The following AOPEP variants were observed in gnomAD, a reference collection of about 807,000 sequenced individuals.
The protein encoded by AOPEP is aminopeptidase O (putative).
In AOPEP, 77 loss-of-function variants were observed where a neutral mutation model predicts 98.1. The observed-to-expected ratio is 0.78, with a 90% CI of 0.65 to 0.95. The LOEUF (loss-of-function observed/expected upper bound fraction) is 0.95, where lower values mean the gene tolerates loss of function less well. Ranked by LOEUF, AOPEP falls within the 40% of genes least tolerant of loss-of-function variation. The pLI is 0.00. For synonymous variants in AOPEP, 346 were observed against 365.3 expected (o/e 0.95, Z 0.60); for missense variants, 1,024 against 1,024.7 (o/e 1.00, Z 0.01).
intron 1 of AOPEP, among the ~76,000 whole-genome samples, chr9:94,757,808 A>C (rs749355192): frequency 4.5e-4 from 68 of 152,256 alleles, no homozygotes; most frequent in African/African-American, 1.0e-3. Context: ...AAAGATGCCC[A>C]GTCAACAAAA....
At chr9:94,918,926 T>C (rs1205948591) in intron 5 of AOPEP, among the ~76,000 whole-genome samples, 1 of 151,944 alleles carries the variant, frequency 6.6e-6, no homozygotes, top group East Asian at 1.9e-4. Flanking sequence ...AATTTTGTTG[T>C]TGTTGTTGAG....
chr9:94,800,482 C>G (rs1013306364), intron 4 of AOPEP, among the ~76,000 whole-genome samples: 2 of 152,110 alleles, frequency 1.3e-5, no homozygotes, highest in Non-Finnish European at 2.9e-5. Context: ...TAGAGGTCCC[C>G]CCACAACAAA....
At chr9:94,936,875 C>T (rs1355300496) in intron 7 of AOPEP, among the ~76,000 whole-genome samples, 1 of 152,168 alleles carries the variant, frequency 6.6e-6, no homozygotes, top group African/African-American at 2.4e-5. Context: ...ACATTTACTC[C>T]TTTATTATAA....
chr9:94,873,117 G>GA (rs149738938), intron 5 of AOPEP, among the ~76,000 whole-genome samples: 2 of 151,220 alleles, frequency 1.3e-5, no homozygotes, highest in African/African-American at 2.4e-5. Flanking sequence ...GATATGAGGG[G>GA]AAAAAAAACA....
intron 9 of AOPEP, among the ~76,000 whole-genome samples, chr9:94,961,154 G>C (rs1222957626): frequency 6.6e-6 from 1 of 151,974 alleles, no homozygotes; most frequent in African/African-American, 2.4e-5. Context: ...ATTAAATCCT[G>C]CTGTGGAAAC....
intron 7 of AOPEP, among the ~76,000 whole-genome samples, chr9:94,948,959 C>T (rs574097703): frequency 2.0e-5 from 3 of 152,284 alleles, no homozygotes; most frequent in African/African-American, 4.8e-5. Context: ...CTTTATGTAG[C>T]GTGGGTTTTT....
intron 13 of AOPEP, among the ~76,000 whole-genome samples, chr9:95,038,733 A>G (rs548884840): frequency 4.2e-4 from 64 of 152,294 alleles, no homozygotes; most frequent in Non-Finnish European, 7.2e-4. Context: ...TTACATTAAG[A>G]TTCTTAGAAG....
At chr9:94,762,701 T>C (rs1838635246) in intron 2 of AOPEP, among the ~76,000 whole-genome samples, 3 of 152,180 alleles carry the variant, frequency 2.0e-5, no homozygotes, top group Admixed American at 2.0e-4. Context: ...TTTTTTTCCC[T>C]TTTTCTGGGG....
At chr9:95,040,222 AG>A (rs1301287403) in intron 13 of AOPEP, among the ~76,000 whole-genome samples, 3 of 152,240 alleles carry the variant, frequency 2.0e-5, no homozygotes, top group African/African-American at 7.2e-5. Flanking sequence ...GTCCATTGAC[AG>A]GAACAGTTGC....
intron 5 of AOPEP, among the ~76,000 whole-genome samples, chr9:94,830,162 C>T (rs1391922837): frequency 6.6e-6 from 1 of 152,192 alleles, no homozygotes; most frequent in Non-Finnish European, 1.5e-5. Context: ...GCCCAGCATG[C>T]ATTAACTATT....
chr9:95,091,752 C>A (rs943504064), downstream of AOPEP, among the ~76,000 whole-genome samples: 17 of 152,192 alleles, frequency 1.1e-4, no homozygotes, highest in Non-Finnish European at 2.9e-5. Context: ...ATAGGCATTC[C>A]TGTTCCAGTC....
At chr9:95,002,360 G>A (rs1211277119) in intron 11 of AOPEP, among the ~76,000 whole-genome samples, 2 of 152,100 alleles carry the variant, frequency 1.3e-5, no homozygotes, top group East Asian at 1.9e-4. Flanking sequence ...CAAAAGATAC[G>A]GGATCTCTTT....
chr9:94,794,634 T>C (rs1176764180), intron 4 of AOPEP, among the ~76,000 whole-genome samples: 1 of 152,222 alleles, frequency 6.6e-6, no homozygotes, highest in African/African-American at 2.4e-5. Context: ...TTGGACTGTC[T>C]TTCCTGAGCT....
intron 2 of AOPEP, among the ~76,000 whole-genome samples, chr9:94,767,942 T>A (rs1442699720): frequency 1.3e-5 from 2 of 152,074 alleles, no homozygotes; most frequent in Non-Finnish European, 2.9e-5. Context: ...AGAGAGTGAG[T>A]CATTGCTAAA....
intron 11 of AOPEP, among the ~76,000 whole-genome samples, chr9:94,981,365 C>G (rs2060172294): frequency 6.6e-6 from 1 of 152,176 alleles, no homozygotes; most frequent in South Asian, 2.1e-4. Flanking sequence ...AAGAAACCTG[C>G]TGTCAAAACA....
intron 5 of AOPEP, among the ~76,000 whole-genome samples, chr9:94,809,092 T>C (rs964615446): frequency 6.6e-6 from 1 of 152,232 alleles, no homozygotes; most frequent in Non-Finnish European, 1.5e-5. Context: ...CTGATGATGC[T>C]GTGGCCATGA....
At chr9:95,013,887 C>G (rs550960594) in intron 13 of AOPEP, among the ~76,000 whole-genome samples, 1 of 151,850 alleles carries the variant, frequency 6.6e-6, no homozygotes, top group Non-Finnish European at 1.5e-5. Flanking sequence ...TCCTGGACAC[C>G]CAGATTTTTT....
the AOPEP span, among the ~76,000 whole-genome samples, chr9:95,120,164 A>G: frequency 6.6e-6 from 1 of 152,246 alleles, no homozygotes. Flanking sequence ...GTTGAAGCCC[A>G]TGATCCTCTC....
the AOPEP span, chr9:95,149,957 C>G: frequency 2.5e-6 from 4 of 1,611,228 alleles, no homozygotes; most frequent in East Asian, 6.7e-5. Context: ...TCAAAGAACT[C>G]TGGCTGGAGG....
Sources: allele counts gnomAD v4.1 joint callset (sites outside exome capture counted in the v4.1 genomes callset), GRCh38; gene constraint gnomAD v4.1.1; transcripts MANE v1.5; gene names NCBI Gene and HGNC (gene_info 2026-07-23, HGNC 2026-07-21).